The following SLIT3 variants were observed in gnomAD, a reference collection of about 807,000 sequenced individuals.
SLIT3 encodes slit guidance ligand 3, also known as slit homolog 3 protein.
Under a neutral mutation model 184.0 loss-of-function variants are expected in SLIT3, and 68 were observed. That is an observed-to-expected ratio of 0.37 (90% CI 0.30 to 0.45). SLIT3 has a LOEUF of 0.45. SLIT3 is among the 20% of genes least tolerant of loss of function. The pLI is 1.00. For synonymous variants in SLIT3, 831 were observed against 828.6 expected, an observed-to-expected ratio of 1.00 and a Z score of -0.05; for missense variants, 1,707 against 2,026.0, an observed-to-expected ratio of 0.84 and a Z score of 3.02.
chr5:169,033,106 T>C (rs62379485), intron 4 of SLIT3, among the ~76,000 whole-genome samples: 15,962 of 151,776 alleles, frequency 0.11, 1,458 homozygotes, highest in African/African-American at 0.24. Flanking sequence ...TCCCTAGCTA[T>C]CCCCTGCCTG....
chr5:168,913,287 C>T (rs914251962), intron 4 of SLIT3, among the ~76,000 whole-genome samples: 3 of 152,210 alleles, frequency 2.0e-5, no homozygotes, highest in African/African-American at 7.2e-5. Context: ...CGGAGTTCAA[C>T]AGATGCGCCT....
At chr5:169,274,610 G>C (rs1014794894) in intron 1 of SLIT3, among the ~76,000 whole-genome samples, 28 of 152,216 alleles carry the variant, frequency 1.8e-4, no homozygotes, top group African/African-American at 6.5e-4. Flanking sequence ...TGACTGATGG[G>C]AACTGGATTT....
rs777979253 is a variant in SLIT3 at position 168,817,312 on chromosome 5, A to G, written c.781T>C (p.Tyr261His). Reference sequence around the variant, plus strand: ...AAAGCATCCTCACCTGGGCACACGTACTCCTTCTTCTGCACATCCGCCACG... The same window carrying G: ...AAAGCATCCTCACCTGGGCACACGTGCTCCTTCTTCTGCACATCCGCCACG... ...FNVADVQKKEYVCPAPHSEPP... is the reference protein window; with the variant it reads ...FNVADVQKKEHVCPAPHSEPP... Residue 261 changes from tyrosine to histidine, a missense_variant, in exon 8 of 36, where the codon TAC (tyrosine) becomes CAC (histidine). Physicochemically the swap from Tyr to His is moderately conservative, Grantham distance 83. Transcript: ENST00000519560. 3.7e-6 allele frequency: 6 copies of G among 1,613,832 alleles called. No individual in the cohort carries two copies. The highest frequency in any genetic ancestry group is 4.2e-6 in the Non-Finnish European group (5 of 1,179,946).
chr5:168,925,339 C>T (rs187505856), intron 4 of SLIT3, among the ~76,000 whole-genome samples: 2 of 152,268 alleles, frequency 1.3e-5, no homozygotes, highest in East Asian at 3.9e-4. Flanking sequence ...GGGAAGCAGC[C>T]ACCCCAGCTG....
intron 4 of SLIT3, among the ~76,000 whole-genome samples, chr5:169,007,542 G>A (rs1270266914): frequency 6.6e-6 from 1 of 152,248 alleles, no homozygotes; most frequent in Non-Finnish European, 1.5e-5. Flanking sequence ...TAAGTAGTTT[G>A]CATGACACAT....
At chr5:168,959,445 C>A (rs557143108) in intron 4 of SLIT3, among the ~76,000 whole-genome samples, 4 of 152,206 alleles carry the variant, frequency 2.6e-5, no homozygotes, top group Admixed American at 2.6e-4. Context: ...ATATCCCACA[C>A]GTGAAAACCA....
Position 169,300,826 on chromosome 5 carries a change from G to T in SLIT3, c.-117C>A. 9.5e-7 allele frequency: 1 copy of T among 1,054,654 alleles called. No individual in the cohort carries two copies. Among genetic ancestry groups the T allele is most frequent in the South Asian group, 4.5e-5 (1 of 22,380 alleles). 65.3% of individuals were successfully genotyped at this position (1,054,654 alleles called of 1,614,324 possible). ...GGGAGCGGGCGGCGGAGTTAGCGCGGAGGAGGGGCGAGCTCGGTGCTCAGG... is the reference window on the plus strand; with the variant it reads ...GGGAGCGGGCGGCGGAGTTAGCGCGTAGGAGGGGCGAGCTCGGTGCTCAGG... On this transcript the variant is annotated 5_prime_UTR_variant, in exon 1 of 36. Transcript: ENST00000519560. This position sits in a 1 kb window ranked among gnomAD's most constrained non-coding sequence, Gnocchi z 4.1.
At chr5:168,902,567 C>T (rs1045107514) in intron 4 of SLIT3, among the ~76,000 whole-genome samples, 3 of 152,154 alleles carry the variant, frequency 2.0e-5, no homozygotes, top group Non-Finnish European at 4.4e-5. Context: ...CAGCCGTTCT[C>T]AAAGTATGGT....
At chr5:169,276,100 G>A (rs1431529743) in intron 1 of SLIT3, among the ~76,000 whole-genome samples, 2 of 152,096 alleles carry the variant, frequency 1.3e-5, no homozygotes, top group East Asian at 1.9e-4. Flanking sequence ...CAAAGAAAGA[G>A]AGCAATTGAA....
chr5:168,761,900 C>T (rs1414513952), intron 15 of SLIT3, among the ~76,000 whole-genome samples: 3 of 146,094 alleles, frequency 2.1e-5, no homozygotes, highest in Non-Finnish European at 4.5e-5. Flanking sequence ...CACTATCATG[C>T]CCAGCTAATA....
At chr5:168,763,199 C>T (rs1428272132) in intron 14 of SLIT3, among the ~76,000 whole-genome samples, 2 of 151,964 alleles carry the variant, frequency 1.3e-5, no homozygotes, top group Non-Finnish European at 2.9e-5. Context: ...AACTTAGGGG[C>T]CTTTATTACC....
chr5:169,032,686 T>C (rs190171701), intron 4 of SLIT3, among the ~76,000 whole-genome samples: 7 of 148,766 alleles, frequency 4.7e-5, no homozygotes, highest in African/African-American at 1.7e-4. Context: ...CTAATTCACA[T>C]GAAAATAGTT....
chr5:169,197,071 G>A (rs1763764014), intron 3 of SLIT3, among the ~76,000 whole-genome samples: 1 of 152,194 alleles, frequency 6.6e-6, no homozygotes, highest in South Asian at 2.1e-4. Context: ...CAGAGTTGAA[G>A]CTAAAAATAA....
chr5:168,796,528 C>T (rs1254443098), intron 9 of SLIT3, among the ~76,000 whole-genome samples: 1 of 152,072 alleles, frequency 6.6e-6, no homozygotes, highest in East Asian at 1.9e-4. Context: ...TTTCATCACC[C>T]CTCATTTGGC....
At chr5:169,107,528 C>T (rs1427146517) in intron 4 of SLIT3, among the ~76,000 whole-genome samples, 1 of 152,196 alleles carries the variant, frequency 6.6e-6, no homozygotes, top group African/African-American at 2.4e-5. Context: ...TAGATTTCTG[C>T]GTGGTGATAA....
In SLIT3 at chr5:169,229,236, C is replaced by CA. The variant is rs1029797702; in HGVS notation, c.341+15468dup. Among the ~76,000 whole-genome samples the CA allele has an allele frequency of 2.8e-4, 42 of 151,564 alleles. 1 individual carries two copies. The highest frequency in any genetic ancestry group is 8.7e-4 in the African/African-American group (36 of 41,380). Reference sequence around the variant, plus strand: ...GCTATTTTTTTTTTCCAAATTCTACCAAAAAAATGGAATCTAAAGAATAAA... The same window carrying CA: ...GCTATTTTTTTTTTCCAAATTCTACCAAAAAAAATGGAATCTAAAGAATAAA... On this transcript the variant is annotated intron_variant, in intron 3 of 35. Coordinates refer to ENST00000519560, the MANE Select transcript of SLIT3 (RefSeq NM_003062.4).
intron 1 of SLIT3, among the ~76,000 whole-genome samples, chr5:169,272,485 A>G (rs1231065009): frequency 6.6e-6 from 1 of 152,270 alleles, no homozygotes; most frequent in Non-Finnish European, 1.5e-5. Context: ...AACCTAGCGT[A>G]AAAGCTCTGC....
intron 4 of SLIT3, among the ~76,000 whole-genome samples, chr5:168,909,924 C>T (rs1761199698): frequency 6.6e-6 from 1 of 152,222 alleles, no homozygotes; most frequent in Admixed American, 6.5e-5. Flanking sequence ...CTTTCTGTCT[C>T]CCAAAAGAAG....
intron 6 of SLIT3, among the ~76,000 whole-genome samples, chr5:168,842,480 T>TTTTA (rs1758300544): frequency 1.0e-5 from 1 of 96,254 alleles, no homozygotes; most frequent in South Asian, 3.9e-4. Context: ...TTTTTTTTTT[T>TTTTA]TTTTTTTGTA....
Sources: allele counts gnomAD v4.1 joint callset (sites outside exome capture counted in the v4.1 genomes callset), GRCh38; gene constraint gnomAD v4.1.1; non-coding constraint Gnocchi (gnomAD v3.1); transcripts MANE v1.5; gene names NCBI Gene and HGNC (gene_info 2026-07-23, HGNC 2026-07-21).